Variants in TRIO observed in about 807,000 individuals in gnomAD.
TRIO encodes the protein triple functional domain protein.
TRIO carries 58 observed loss-of-function variants against 351.9 expected under a neutral mutation model. The observed-to-expected ratio is 0.16, with a 90% CI of 0.13 to 0.21. The LOEUF is 0.21. Among genes scored for constraint, TRIO ranks in the 10% least tolerant of loss-of-function variants. The probability of loss-of-function intolerance (pLI) is 1.00; values close to 1 mark genes in which losing one functional copy is unlikely to be tolerated. For missense variants in TRIO, 3,201 were observed against 4,027.8 expected (o/e 0.79, Z 5.56); for synonymous variants, 1,758 against 1,595.7 (o/e 1.10, Z -2.42).
intron 15 of TRIO, 35 bp downstream of exon 15, chr5:14,364,851 C>G: frequency 6.3e-7 from 1 of 1,583,880 alleles, no homozygotes; most frequent in Non-Finnish European, 8.6e-7. Flanking sequence ...GGAGGCTGCG[C>G]TACAGATGCT....
intron 1 of TRIO, among the ~76,000 whole-genome samples, chr5:14,256,622 C>G (rs1227958130): frequency 6.6e-6 from 1 of 152,212 alleles, no homozygotes; most frequent in South Asian, 2.1e-4. Context: ...CTGAGACTTT[C>G]ATTTTAGTAG....
At chr5:14,486,975 A>G (rs1224538223) in intron 47 of TRIO, among the ~76,000 whole-genome samples, 1 of 152,174 alleles carries the variant, frequency 6.6e-6, no homozygotes, top group African/African-American at 2.4e-5. Context: ...TGAAGATGTA[A>G]GAAAACTCAG....
At chr5:14,319,714 A>G (rs1237737844) in intron 9 of TRIO, among the ~76,000 whole-genome samples, 15 of 152,222 alleles carry the variant, frequency 9.9e-5, no homozygotes, top group Non-Finnish European at 1.5e-5. Context: ...TTACAGTTTT[A>G]TGAAAGTAAC....
intron 31 of TRIO, among the ~76,000 whole-genome samples, chr5:14,402,611 G>A (rs968771642): frequency 2.6e-5 from 4 of 152,004 alleles, no homozygotes; most frequent in African/African-American, 7.3e-5. Context: ...AGATGGTGGT[G>A]GTATGGATTT....
chr5:14,340,739 C>T (rs1741870211), intron 11 of TRIO, among the ~76,000 whole-genome samples: 1 of 152,140 alleles, frequency 6.6e-6, no homozygotes, highest in Non-Finnish European at 1.5e-5. Context: ...TTGTTGAAGA[C>T]CAGGCTCTTA....
intron 6 of TRIO, among the ~76,000 whole-genome samples, chr5:14,293,711 A>AG (rs1737102654): frequency 6.6e-6 from 1 of 152,130 alleles, no homozygotes; most frequent in Non-Finnish European, 1.5e-5. Flanking sequence ...GAGGCCAGAT[A>AG]GGGGGTGACT....
intron 1 of TRIO, among the ~76,000 whole-genome samples, chr5:14,265,571 A>G (rs1795624991): frequency 6.6e-6 from 1 of 152,204 alleles, no homozygotes; most frequent in Non-Finnish European, 1.5e-5. Context: ...TTTTTATTAT[A>G]AATAAATCGG....
intron 1 of TRIO, among the ~76,000 whole-genome samples, chr5:14,240,739 GT>G (rs1794078357): frequency 1.3e-5 from 2 of 152,140 alleles, no homozygotes; most frequent in Admixed American, 6.6e-5. Context: ...TTCACTGAAG[GT>G]GAAAAGTTCT....
intron 53 of TRIO, among the ~76,000 whole-genome samples, chr5:14,501,839 T>C (rs1195532019): frequency 1.3e-5 from 2 of 152,090 alleles, no homozygotes; most frequent in African/African-American, 2.4e-5. Context: ...AGGGCCAGGC[T>C]CCCGTGGAGG....
chr5:14,472,563 G>T (rs769262554), intron 38 of TRIO, 29 bp from the exon 39 acceptor site: 4 of 1,612,746 alleles, frequency 2.5e-6, no homozygotes, highest in Admixed American at 1.7e-5. Flanking sequence ...AAAACAGTTT[G>T]CATGATAAAC....
chr5:14,420,932 G>C (rs1258744769), intron 34 of TRIO: 2 of 152,196 alleles, frequency 1.3e-5, no homozygotes, highest in Non-Finnish European at 2.9e-5. Flanking sequence ...TTGCAGGCTA[G>C]CCAAGGCGAA....
At chr5:14,321,770 G>A (rs1183096455) in intron 9 of TRIO, among the ~76,000 whole-genome samples, 8 of 152,198 alleles carry the variant, frequency 5.3e-5, no homozygotes, top group Non-Finnish European at 7.3e-5. Flanking sequence ...GAGGGACCCA[G>A]TGAGAGGTAA....
In TRIO at chr5:14,408,146, C is replaced by G. The variant is rs531730463; in HGVS notation, c.4959+1474C>G. On this transcript the variant is annotated intron_variant, in intron 33 of 56. Coordinates refer to ENST00000344204, the MANE Select transcript of TRIO (RefSeq NM_007118.4). Reference sequence around the variant, plus strand: ...AATTGATTCAGACAGATGACAGAGTCCAGTATTTGGAAGGTTATTTCCGTG... The same window carrying G: ...AATTGATTCAGACAGATGACAGAGTGCAGTATTTGGAAGGTTATTTCCGTG... Among the ~76,000 whole-genome samples the G allele has an allele frequency of 2.6e-5, 4 of 152,292 alleles. No homozygotes were observed. In the East Asian group the frequency reaches 7.7e-4, roughly 29 times the overall value.
intron 11 of TRIO, among the ~76,000 whole-genome samples, chr5:14,355,949 C>T (rs1579413554): frequency 6.6e-6 from 1 of 152,164 alleles, no homozygotes; most frequent in African/African-American, 2.4e-5. Context: ...ACTAGCTTAT[C>T]TCTAAAACTC....
intron 46 of TRIO, among the ~76,000 whole-genome samples, chr5:14,484,514 G>A (rs1429007302): frequency 1.3e-5 from 2 of 152,212 alleles, no homozygotes; most frequent in Non-Finnish European, 2.9e-5. Context: ...AAAAATGGCA[G>A]TTCAACTGAA....
At chr5:14,316,792 T>A in intron 9 of TRIO, 49 bp downstream of exon 9, 1 of 1,546,200 alleles carries the variant, frequency 6.5e-7, no homozygotes, top group Non-Finnish European at 8.8e-7. Context: ...TTGTGTTGAG[T>A]AGAGTTTAAA....
At chr5:14,300,044 T>A (rs1737745518) in intron 7 of TRIO, among the ~76,000 whole-genome samples, 1 of 152,240 alleles carries the variant, frequency 6.6e-6, no homozygotes, top group Admixed American at 6.5e-5. Context: ...TTGTGTCATC[T>A]CCAGTGAAGG....
intron 1 of TRIO, among the ~76,000 whole-genome samples, chr5:14,208,236 AAAATG>A (rs1395639549): frequency 6.6e-6 from 1 of 152,248 alleles, no homozygotes; most frequent in African/African-American, 2.4e-5. Context: ...ATAATAGCCA[AAAATG>A]AAATGATCTA....
At chr5:14,264,447 T>A (rs1200997395) in intron 1 of TRIO, among the ~76,000 whole-genome samples, 1 of 152,182 alleles carries the variant, frequency 6.6e-6, no homozygotes, top group Non-Finnish European at 1.5e-5. Context: ...TCTTGTGTGG[T>A]CTTGTCTGTG....
Sources: allele counts gnomAD v4.1 joint callset (sites outside exome capture counted in the v4.1 genomes callset), GRCh38; gene constraint gnomAD v4.1.1; transcripts MANE v1.5; gene names NCBI Gene and HGNC (gene_info 2026-07-23, HGNC 2026-07-21).